Variants in LMO2 observed in about 807,000 individuals in gnomAD.
LMO2 encodes rhombotin-2.
LMO2 carries 20 observed loss-of-function variants against 23.2 expected under a neutral mutation model. That is an observed-to-expected ratio of 0.86 (90% CI 0.61 to 1.25). LMO2 has a LOEUF of 1.25. Ranked by LOEUF, LMO2 falls within the 50% of genes most tolerant of loss-of-function variation. The pLI is 0.00. For missense variants in LMO2, 270 were observed against 315.3 expected, an observed-to-expected ratio of 0.86 and a Z score of 1.09; for synonymous variants, 123 against 130.2, an observed-to-expected ratio of 0.94 and a Z score of 0.38.
chr11:33,874,957 A>G (rs1857101729), intron 2 of LMO2, among the ~76,000 whole-genome samples: 1 of 152,234 alleles, frequency 6.6e-6, no homozygotes, highest in Non-Finnish European at 1.5e-5. Context: ...TGTTAAGCTC[A>G]TAGTGTGTCC....
chr11:33,868,418 A>G (rs1856864714), intron 4 of LMO2, among the ~76,000 whole-genome samples: 1 of 152,252 alleles, frequency 6.6e-6, no homozygotes, highest in Non-Finnish European at 1.5e-5. Flanking sequence ...GGGGGACTTC[A>G]AAGGAATAAA....
rs56361524 is a variant in LMO2 at position 33,866,835 on chromosome 11, C to T, written c.249-2018G>A. On this transcript the variant is annotated intron_variant, in intron 4 of 5. Transcript: ENST00000257818. ...TAATTTTTTTTATTTTAAGTAGAGA[C>T]GAGGTTTCATTCACTGAAGCCTTGC... Among the ~76,000 whole-genome samples, 146 of 152,226 alleles carry T rather than the reference C, an allele frequency of 9.6e-4. 1 individual carries two copies. The Middle Eastern group carries it at 0.017, about 18-fold the overall frequency.
chr11:33,891,155 T>G (rs1857536530), intron 1 of LMO2, among the ~76,000 whole-genome samples: 1 of 152,202 alleles, frequency 6.6e-6, no homozygotes, highest in African/African-American at 2.4e-5. Context: ...TGGAAGGAAC[T>G]TGTAGCCACT....
intron 2 of LMO2, among the ~76,000 whole-genome samples, chr11:33,872,321 C>T (rs1348849504): frequency 6.6e-6 from 1 of 152,152 alleles, no homozygotes; most frequent in Non-Finnish European, 1.5e-5. Flanking sequence ...CAAATAAACT[C>T]CCAGTATCCT....
intron 5 of LMO2, among the ~76,000 whole-genome samples, chr11:33,862,850 CAG>C (rs1590629614): frequency 6.6e-6 from 1 of 152,042 alleles, no homozygotes; most frequent in Admixed American, 6.6e-5. Flanking sequence ...TGCACTAATG[CAG>C]AGTTAATTAA....
chr11:33,868,262 G>A (rs1856858680), intron 4 of LMO2, among the ~76,000 whole-genome samples: 1 of 152,226 alleles, frequency 6.6e-6, no homozygotes, highest in Non-Finnish European at 1.5e-5. Context: ...GTGTATGTGT[G>A]TGTGTGCGGT....
In LMO2 at chr11:33,869,502, TCGCCGCCGCTCCTGCGCCTCCGCTTG is replaced by T. The variant is rs749766308; in HGVS notation, c.66_91del (p.Ser22ArgfsTer58). The stretch of plus-strand genomic sequence containing the variant: ...TCGGGCGCCGCCGCCGCCGCCGCCG[TCGCCGCCGCTCCTGCGCCTCCGCTTG>T]CTCCGGCGCTCCGCCGGCGAGCTCG... On this transcript the variant is annotated frameshift_variant, in exon 4 of 6. Coordinates refer to ENST00000257818, the MANE Select transcript of LMO2 (RefSeq NM_005574.4). LOFTEE classifies it high-confidence loss of function. 4.2e-6 allele frequency: 5 copies of T among 1,197,000 alleles called. No homozygotes were observed. Among genetic ancestry groups the T allele is most frequent in the South Asian group, 3.6e-5 (1 of 27,484 alleles). The allele number at this position is 1,197,000 out of a possible 1,614,324, so 74.1% of individuals were successfully genotyped here.
intron 1 of LMO2, among the ~76,000 whole-genome samples, chr11:33,890,807 G>T (rs1251686969): frequency 2.6e-5 from 4 of 152,118 alleles, no homozygotes; most frequent in Admixed American, 1.3e-4. Flanking sequence ...TTCTCACAAT[G>T]ACCCTATGGG....
chr11:33,878,514 G>A lies in LMO2; in HGVS notation c.-272+3310C>T, dbSNP rs535884360. Among the ~76,000 whole-genome samples, 8 of 152,348 alleles carry A rather than the reference G, an allele frequency of 5.3e-5. No homozygotes were observed. The East Asian group carries it at 1.4e-3, about 26-fold the overall frequency. On this transcript the variant is annotated intron_variant, in intron 2 of 5. Coordinates refer to ENST00000257818, the MANE Select transcript of LMO2 (RefSeq NM_005574.4). ...TAAAATACAGACAATGATAAATGTA[G>A]GGTTAGGAGTAGTCATTGAGATAAT...
At position 33,878,216 on chromosome 11, in the gene LMO2, A is replaced by G. The variant is rs139898155; in HGVS notation, c.-272+3608T>C. Among the ~76,000 whole-genome samples the G allele has an allele frequency of 4.6e-3, 696 of 152,232 alleles. 6 individuals carry two copies. Among genetic ancestry groups the G allele is most frequent in the African/African-American group, 0.016 (658 of 41,508 alleles). On this transcript the variant is annotated intron_variant, in intron 2 of 5. Transcript: ENST00000257818. The stretch of plus-strand genomic sequence containing the variant: ...GCTCACTCCATTGATCCAACTTTAC[A>G]TCCCACAGTCCTGGACCCTGAACCT...
Position 33,869,541 on chromosome 11 carries a change from G to A in LMO2, c.53C>T (p.Ala18Val). ...VLERGGASSPAERRSKRRRRS... is the reference protein window; with the variant it reads ...VLERGGASSPVERRSKRRRRS... ...GCGCCTCCGCTTGCTCCGGCGCTCC[G>A]CCGGCGAGCTCGCCCCTCCGCGCTC... is the stretch of plus-strand genomic sequence containing the variant. The change falls in exon 4 of 6, where the codon GCG (alanine) becomes GTG (valine). Residue 18 changes from alanine (A) to valine (V), a missense_variant. Around this residue, in one of 2 missense-constraint regions of LMO2, gnomAD observed 170 missense variants for 162.0 expected, o/e 1.05. Coordinates refer to ENST00000257818, the MANE Select transcript of LMO2 (RefSeq NM_005574.4). The A allele has an allele frequency of 2.4e-6, 3 of 1,270,028 alleles. No individual in the cohort carries two copies. Among genetic ancestry groups the A allele is most frequent in the East Asian group, 3.8e-5 (1 of 26,358 alleles). The allele number at this position is 1,270,028 out of a possible 1,614,324, so 78.7% of individuals were successfully genotyped here.
chr11:33,864,668 A>G lies in LMO2; in HGVS notation c.398T>C (p.Leu133Pro), dbSNP rs1856708777. 1 of 1,613,972 alleles carries G rather than the reference A, an allele frequency of 6.2e-7. No homozygotes were observed. ...CLSCDLCGCR[L>P]GEVGRRLYYK... ...GTAGAGGCGCCGCCCCACCTCACCC[A>G]GCCGGCAGCCACAGAGGTCGCAGCT... The change falls in exon 5 of 6, where the codon CTG (leucine) becomes CCG (proline). Residue 133 changes from leucine to proline, a missense_variant. Coordinates refer to ENST00000257818, the MANE Select transcript of LMO2 (RefSeq NM_005574.4). The surrounding 1 kb of genome is among the most constrained non-coding windows in gnomAD (Gnocchi z 4.8).
intron 1 of LMO2, among the ~76,000 whole-genome samples, chr11:33,883,991 C>A (rs183327129): frequency 6.6e-5 from 10 of 152,254 alleles, no homozygotes; most frequent in Admixed American, 4.6e-4. Context: ...CAGCTGGTTG[C>A]AGAATTGGAC....
Position 33,866,721 on chromosome 11 carries a change from C to G in LMO2, c.249-1904G>C, listed in dbSNP as rs554252714. The stretch of plus-strand genomic sequence containing the variant: ...AGTGCAATGGCACAATCTCGGCTCA[C>G]TGCAACCTCCACCTCCTGGGTTCAA... On this transcript the variant is annotated intron_variant, in intron 4 of 5. Transcript: ENST00000257818. Among the ~76,000 whole-genome samples, 4 of 152,336 alleles carry G rather than the reference C, an allele frequency of 2.6e-5. No homozygotes were observed. The East Asian group carries it at 7.7e-4, about 29-fold the overall frequency.
chr11:33,887,438 C>T (rs1265763350), intron 1 of LMO2, among the ~76,000 whole-genome samples: 1 of 151,248 alleles, frequency 6.6e-6, no homozygotes, highest in Admixed American at 6.6e-5. Context: ...TACTTCTCCA[C>T]AGATATTCAA....
chr11:33,858,689 A>G lies in LMO2; in HGVS notation c.*667T>C, dbSNP rs1019101465. 3.1e-5 allele frequency: 6 copies of G among 194,304 alleles called. No individual in the cohort carries two copies. The highest frequency in any genetic ancestry group is 1.4e-4 in the African/African-American group (6 of 43,126). The allele number at this position is 194,304 out of a possible 1,614,324, so 12.0% of individuals were successfully genotyped here. A position where few individuals can be genotyped will look rare whatever the true frequency, so the allele number is the denominator to read the frequency against. ...AGTTGAACAACTTTTTAAGATTTAT[A>G]TTTGTATAGAAACAATCTGTGGAAC... is the stretch of plus-strand genomic sequence containing the variant. On this transcript the variant is annotated 3_prime_UTR_variant, in exon 6 of 6. Coordinates refer to ENST00000257818, the MANE Select transcript of LMO2 (RefSeq NM_005574.4).
In LMO2 at chr11:33,869,591, A is replaced by T; in HGVS notation, c.8-5T>A. The stretch of plus-strand genomic sequence containing the variant: ...CAAGGACAGTCACCGCGCTCCCTTC[A>T]AACGCCAAAGAGAGAGAGCGAATCA... On this transcript the variant is annotated splice_polypyrimidine_tract_variant and splice_region_variant and intron_variant, in intron 3 of 5. Transcript: ENST00000257818. 1 of 1,293,258 alleles carries T rather than the reference A, an allele frequency of 7.7e-7. No individual in the cohort carries two copies. Among genetic ancestry groups the T allele is most frequent in the African/African-American group, 1.6e-5 (1 of 62,704 alleles). The allele number at this position is 1,293,258 out of a possible 1,614,324, so 80.1% of individuals were successfully genotyped here.
intron 2 of LMO2, among the ~76,000 whole-genome samples, chr11:33,877,921 CT>C (rs2133708258): frequency 6.6e-6 from 1 of 151,974 alleles, no homozygotes; most frequent in South Asian, 2.1e-4. Flanking sequence ...GTTTTTGCTG[CT>C]TCCCTTCAGT....
At chr11:33,877,814 G>A (rs891926033) in intron 2 of LMO2, among the ~76,000 whole-genome samples, 3 of 151,828 alleles carry the variant, frequency 2.0e-5, no homozygotes, top group Non-Finnish European at 4.4e-5. Context: ...AGTAGAGCTG[G>A]AATCTTGTTA....
Sources: allele counts gnomAD v4.1 joint callset (sites outside exome capture counted in the v4.1 genomes callset), GRCh38; gene constraint gnomAD v4.1.1; regional missense constraint gnomAD v4.1.1; non-coding constraint Gnocchi (gnomAD v3.1); transcripts MANE v1.5; gene names NCBI Gene and HGNC (gene_info 2026-07-23, HGNC 2026-07-21).